The following XIRP2 variants were observed in gnomAD, a reference collection of about 807,000 sequenced individuals.
The protein encoded by XIRP2 is xin actin-binding repeat-containing protein 2.
In XIRP2, 236 loss-of-function variants were observed where a neutral mutation model predicts 277.0. That is an observed-to-expected ratio of 0.85 (90% CI 0.77 to 0.95). XIRP2 has a LOEUF of 0.95. Ranked by LOEUF, XIRP2 falls within the 40% of genes least tolerant of loss-of-function variation. The probability of loss-of-function intolerance (pLI) is 0.00; values close to 1 mark genes in which losing one functional copy is unlikely to be tolerated. For missense variants in XIRP2, 4,640 were observed against 4,157.5 expected, an observed-to-expected ratio of 1.12 and a Z score of -3.19; for synonymous variants, 1,490 against 1,416.5, an observed-to-expected ratio of 1.05 and a Z score of -1.17.
intron 2 of XIRP2, among the ~76,000 whole-genome samples, chr2:167,046,066 A>G (rs946434867): frequency 1.3e-5 from 2 of 151,860 alleles, no homozygotes; most frequent in Non-Finnish European, 2.9e-5. Flanking sequence ...TGTTGTAGAG[A>G]TATTTCACCT....
chr2:167,158,964 C>T (rs1019023336), intron 3 of XIRP2, among the ~76,000 whole-genome samples: 3 of 152,090 alleles, frequency 2.0e-5, no homozygotes, highest in Admixed American at 2.0e-4. Flanking sequence ...GACACTACCT[C>T]TGGGGGGTAG....
chr2:167,058,950 T>C (rs1387513335), intron 2 of XIRP2, among the ~76,000 whole-genome samples: 1 of 152,102 alleles, frequency 6.6e-6, no homozygotes, highest in Non-Finnish European at 1.5e-5. Context: ...CTGAGCTTAC[T>C]TACATTTACC....
At chr2:167,174,222 C>T (rs559425940) in intron 3 of XIRP2, among the ~76,000 whole-genome samples, 6 of 152,176 alleles carry the variant, frequency 3.9e-5, no homozygotes, top group Admixed American at 2.6e-4. Flanking sequence ...TGGTAGAATT[C>T]GGCTGTGAAT....
chr2:166,948,531 T>C (rs1685943087), intron 2 of XIRP2, among the ~76,000 whole-genome samples: 1 of 152,116 alleles, frequency 6.6e-6, no homozygotes, highest in African/African-American at 2.4e-5. Flanking sequence ...TATTTTATAA[T>C]CATTTCAATA....
At chr2:167,054,576 C>A (rs1240556207) in intron 2 of XIRP2, among the ~76,000 whole-genome samples, 1 of 151,878 alleles carries the variant, frequency 6.6e-6, no homozygotes, top group African/African-American at 2.4e-5. Flanking sequence ...CCCAGCTGCT[C>A]TGCAGCCTGA....
intron 3 of XIRP2, among the ~76,000 whole-genome samples, chr2:167,147,821 A>G (rs1691901601): frequency 6.6e-6 from 1 of 152,198 alleles, no homozygotes; most frequent in Admixed American, 6.5e-5. Context: ...GGTCTAGTGA[A>G]TAAGTGACCT....
intron 2 of XIRP2, among the ~76,000 whole-genome samples, chr2:166,915,451 G>T (rs1684843986): frequency 6.6e-6 from 1 of 151,974 alleles, no homozygotes; most frequent in Non-Finnish European, 1.5e-5. Flanking sequence ...TAAATAAAAT[G>T]AACTTAACTC....
intron 2 of XIRP2, among the ~76,000 whole-genome samples, chr2:167,102,876 G>C (rs1295887770): frequency 6.6e-6 from 1 of 152,084 alleles, no homozygotes; most frequent in African/African-American, 2.4e-5. Context: ...TTGAGATTTA[G>C]GTCTTTGTCA....
At chr2:166,980,985 T>C (rs1686852073) in intron 2 of XIRP2, among the ~76,000 whole-genome samples, 1 of 152,174 alleles carries the variant, frequency 6.6e-6, no homozygotes, top group South Asian at 2.1e-4. Flanking sequence ...ATGGTTAATA[T>C]TATACAATTT....
intron 3 of XIRP2, among the ~76,000 whole-genome samples, chr2:167,183,770 C>T (rs1048393423): frequency 4.0e-5 from 6 of 151,624 alleles, no homozygotes; most frequent in African/African-American, 1.5e-4. Flanking sequence ...GTATCAATGA[C>T]AATATTCTGT....
chr2:167,072,504 C>T (rs1050425511), intron 2 of XIRP2, among the ~76,000 whole-genome samples: 3 of 152,152 alleles, frequency 2.0e-5, no homozygotes, highest in Non-Finnish European at 4.4e-5. Flanking sequence ...TTTGTCATAG[C>T]AATGATTACA....
chr2:167,149,528 TG>T lies in XIRP2; in HGVS notation c.562+13468del, dbSNP rs1423737355. 3.3e-5 allele frequency among the ~76,000 whole-genome samples: 5 copies of T among 152,276 alleles called. No individual in the cohort carries two copies. In the South Asian group the frequency reaches 6.2e-4, roughly 19 times the overall value. ...TGTGGCAATTCAGGTCAGTTGGAAATGGATAGACTAGTCGGTGAATTAGTAC... is the reference window on the plus strand; with the variant it reads ...TGTGGCAATTCAGGTCAGTTGGAAATGATAGACTAGTCGGTGAATTAGTAC... On this transcript the variant is annotated intron_variant, in intron 3 of 10. Coordinates refer to ENST00000409195, the MANE Select transcript of XIRP2 (RefSeq NM_152381.6).
intron 4 of XIRP2, among the ~76,000 whole-genome samples, chr2:167,217,596 T>C (rs1464666611): frequency 6.6e-6 from 1 of 152,160 alleles, no homozygotes; most frequent in Non-Finnish European, 1.5e-5. Context: ...GGTGTCCATA[T>C]CTCACAGAAT....
At chr2:167,073,945 T>C (rs574794941) in intron 2 of XIRP2, among the ~76,000 whole-genome samples, 1 of 152,204 alleles carries the variant, frequency 6.6e-6, no homozygotes, top group Non-Finnish European at 1.5e-5. Context: ...AAATAATTTC[T>C]TCACTTCAAG....
intron 3 of XIRP2, among the ~76,000 whole-genome samples, chr2:167,178,036 CAAA>C (rs1210624612): frequency 8.9e-6 from 1 of 111,824 alleles, no homozygotes. Flanking sequence ...TCAGTAAAAA[CAAA>C]AAAAAAAAAA....
At chr2:167,026,103 G>A (rs1048441724) in intron 2 of XIRP2, among the ~76,000 whole-genome samples, 4 of 152,116 alleles carry the variant, frequency 2.6e-5, no homozygotes, top group Non-Finnish European at 2.9e-5. Context: ...TCTCTTTGAA[G>A]GTCACTCAGG....
intron 2 of XIRP2, among the ~76,000 whole-genome samples, chr2:167,059,957 A>G (rs1161416243): frequency 1.3e-5 from 2 of 152,174 alleles, no homozygotes; most frequent in East Asian, 1.9e-4. Context: ...CTGAATGATA[A>G]GAGAACACAT....
chr2:166,986,684 T>C lies in XIRP2; in HGVS notation c.408+82794T>C, dbSNP rs550211799. On this transcript the variant is annotated intron_variant, in intron 2 of 10. Coordinates refer to ENST00000409195, the MANE Select transcript of XIRP2 (RefSeq NM_152381.6). The stretch of plus-strand genomic sequence containing the variant: ...TTATGAAATACTGAATGTGAATGTA[T>C]AACACTGGTCATGAGAAATGATCCT... Among the ~76,000 whole-genome samples the C allele has an allele frequency of 2.0e-5, 3 of 152,358 alleles. 1 individual carries two copies. The East Asian group carries it at 5.8e-4, about 29-fold the overall frequency.
intron 2 of XIRP2, among the ~76,000 whole-genome samples, chr2:167,078,648 A>G (rs1689643499): frequency 6.6e-6 from 1 of 152,076 alleles, no homozygotes; most frequent in Non-Finnish European, 1.5e-5. Flanking sequence ...CATCCTGGCT[A>G]ACATGGTGAA....
Sources: allele counts gnomAD v4.1 joint callset (sites outside exome capture counted in the v4.1 genomes callset), GRCh38; gene constraint gnomAD v4.1.1; transcripts MANE v1.5; gene names NCBI Gene and HGNC (gene_info 2026-07-23, HGNC 2026-07-21).